Variants in DSCAML1 observed in about 807,000 individuals in gnomAD.
DSCAML1 encodes cell adhesion molecule DSCAML1.
Under a neutral mutation model 200.5 loss-of-function variants are expected in DSCAML1, and 38 were observed. The ratio of observed to expected loss-of-function variants is 0.19; its 90% CI spans 0.15 to 0.25. The LOEUF (loss-of-function observed/expected upper bound fraction) is 0.25, where lower values mean the gene tolerates loss of function less well. Ranked by LOEUF, DSCAML1 falls within the 10% of genes least tolerant of loss-of-function variation. The pLI is 1.00. For missense variants in DSCAML1, 2,223 were observed against 2,858.8 expected (o/e 0.78, Z 5.07); for synonymous variants, 1,215 against 1,165.0 (o/e 1.04, Z -0.87).
At chr11:117,631,208 A>C (rs1417217576) in intron 3 of DSCAML1, among the ~76,000 whole-genome samples, 1 of 152,188 alleles carries the variant, frequency 6.6e-6, no homozygotes. Flanking sequence ...GGAGCCCCAA[A>C]TCTGAGCTAC....
chr11:117,609,452 C>T (rs1453987673), intron 3 of DSCAML1, among the ~76,000 whole-genome samples: 2 of 151,808 alleles, frequency 1.3e-5, no homozygotes, highest in South Asian at 2.1e-4. Flanking sequence ...GGACCACAGG[C>T]GTGCACCACC....
At chr11:117,816,128 C>T (rs374322540) in intron 1 of DSCAML1, among the ~76,000 whole-genome samples, 19 of 152,162 alleles carry the variant, frequency 1.2e-4, no homozygotes, top group Non-Finnish European at 1.6e-4. Context: ...AGTCACTCAA[C>T]GGCAAACTAT....
intron 3 of DSCAML1, among the ~76,000 whole-genome samples, chr11:117,571,625 G>A (rs1347083581): frequency 6.6e-6 from 1 of 152,156 alleles, no homozygotes; most frequent in Admixed American, 6.5e-5. Flanking sequence ...AAGGAAGAGT[G>A]GATGCAGATG....
chr11:117,710,586 G>A (rs964845907), intron 3 of DSCAML1, among the ~76,000 whole-genome samples: 1 of 152,212 alleles, frequency 6.6e-6, no homozygotes, highest in Non-Finnish European at 1.5e-5. Flanking sequence ...CTTACAACCT[G>A]TGTTTCTGTG....
chr11:117,460,162 G>A (rs2048450367), intron 18 of DSCAML1, among the ~76,000 whole-genome samples: 1 of 152,256 alleles, frequency 6.6e-6, no homozygotes, highest in African/African-American at 2.4e-5. Context: ...GGAAAACAGG[G>A]AACCACCCTT....
chr11:117,774,965 C>T (rs917475210), intron 3 of DSCAML1, among the ~76,000 whole-genome samples: 4 of 152,054 alleles, frequency 2.6e-5, no homozygotes, highest in African/African-American at 9.7e-5. Context: ...AGTAAGCACC[C>T]CCCAAATTTT....
chr11:117,622,908 A>G (rs2051963875), intron 3 of DSCAML1, among the ~76,000 whole-genome samples: 1 of 152,226 alleles, frequency 6.6e-6, no homozygotes, highest in African/African-American at 2.4e-5. Flanking sequence ...AGTCCATACT[A>G]TGTATTAAAT....
intron 3 of DSCAML1, among the ~76,000 whole-genome samples, chr11:117,588,813 G>C (rs2051201353): frequency 6.6e-6 from 1 of 152,162 alleles, no homozygotes; most frequent in Non-Finnish European, 1.5e-5. Flanking sequence ...TGGGGATCCT[G>C]TCCCCCTCCT....
intron 3 of DSCAML1, among the ~76,000 whole-genome samples, chr11:117,595,090 C>CACACACACA (rs1416381581): frequency 2.5e-5 from 2 of 80,390 alleles, no homozygotes; most frequent in Admixed American, 1.0e-4. Flanking sequence ...ACACACACAC[C>CACACACACA]CTTTGATATT....
chr11:117,551,047 C>T (rs1409190901), intron 3 of DSCAML1, among the ~76,000 whole-genome samples: 2 of 152,210 alleles, frequency 1.3e-5, no homozygotes, highest in Admixed American at 6.5e-5. Flanking sequence ...AGGCAATTCT[C>T]TTCTTTTCCT....
intron 14 of DSCAML1, among the ~76,000 whole-genome samples, chr11:117,476,708 C>T (rs747830407): frequency 2.6e-5 from 4 of 152,186 alleles, no homozygotes; most frequent in Admixed American, 1.3e-4. Context: ...ATTTATCATT[C>T]GGCATTCATG....
At chr11:117,658,793 T>C (rs968960850) in intron 3 of DSCAML1, among the ~76,000 whole-genome samples, 3 of 152,164 alleles carry the variant, frequency 2.0e-5, no homozygotes, top group Non-Finnish European at 2.9e-5. Flanking sequence ...CAAACAAAAG[T>C]GTCAATGAAA....
intron 3 of DSCAML1, among the ~76,000 whole-genome samples, chr11:117,674,523 CAT>C (rs1282459041): frequency 3.9e-5 from 6 of 152,180 alleles, no homozygotes; most frequent in Non-Finnish European, 8.8e-5. Context: ...TGGGGCCATG[CAT>C]ACCAGGTGCC....
At chr11:117,744,757 C>T (rs1368864908) in intron 3 of DSCAML1, among the ~76,000 whole-genome samples, 2 of 152,256 alleles carry the variant, frequency 1.3e-5, no homozygotes, top group South Asian at 2.1e-4. Flanking sequence ...TCCAGCATGC[C>T]TGGCTTTGAT....
intron 3 of DSCAML1, among the ~76,000 whole-genome samples, chr11:117,600,278 C>T (rs1340730532): frequency 6.6e-6 from 1 of 152,190 alleles, no homozygotes; most frequent in African/African-American, 2.4e-5. Flanking sequence ...CATTGCCTTG[C>T]TCTCTGCAAC....
intron 3 of DSCAML1, among the ~76,000 whole-genome samples, chr11:117,553,826 C>T (rs369369895): frequency 1.4e-4 from 21 of 152,304 alleles, no homozygotes; most frequent in East Asian, 5.8e-4. Context: ...GAACTGAAGC[C>T]GGGACTGGAA....
At chr11:117,439,783 G>A in intron 22 of DSCAML1, 36 bp downstream of exon 22, 1 of 1,586,784 alleles carries the variant, frequency 6.3e-7, no homozygotes, top group Non-Finnish European at 8.6e-7. Flanking sequence ...ATCCCTCTTT[G>A]GGGCCACCCC....
At chr11:117,760,947 T>C (rs571347083) in intron 3 of DSCAML1, among the ~76,000 whole-genome samples, 1 of 152,258 alleles carries the variant, frequency 6.6e-6, no homozygotes, top group Non-Finnish European at 1.5e-5. Context: ...CCATGCCCTT[T>C]TCCATTTTTC....
chr11:117,811,729 G>A lies in DSCAML1; in HGVS notation c.-250+5661C>T, dbSNP rs560339683. 5.3e-5 allele frequency among the ~76,000 whole-genome samples: 8 copies of A among 152,216 alleles called. No individual in the cohort carries two copies. In the South Asian group the frequency reaches 1.2e-3, roughly 24 times the overall value. On this transcript the variant is annotated intron_variant, in intron 1 of 2. Transcript: ENST00000525836. ...AAGGCTCCCTGACTGACTCCTTCTC[G>A]GCTTAGCAGCTGAAGACTGAGGCTG...
Sources: allele counts gnomAD v4.1 joint callset (sites outside exome capture counted in the v4.1 genomes callset), GRCh38; gene constraint gnomAD v4.1.1; transcripts MANE v1.5; gene names NCBI Gene and HGNC (gene_info 2026-07-23, HGNC 2026-07-21).